ELP4: variants seen among roughly 807,000 people sequenced by gnomAD.
ELP4 encodes the protein elongator complex protein 4.
ELP4 carries 51 observed loss-of-function variants against 48.9 expected under a neutral mutation model. That is an observed-to-expected ratio of 1.04 (90% CI 0.83 to 1.32). The LOEUF (loss-of-function observed/expected upper bound fraction) is 1.32. Ranked by LOEUF, ELP4 falls within the 40% of genes most tolerant of loss-of-function variation. The pLI, the probability that ELP4 is intolerant of heterozygous loss-of-function variation, is 0.00. For synonymous variants in ELP4, 210 were observed against 189.2 expected (o/e 1.11, Z -0.90); for missense variants, 519 against 514.6 (o/e 1.01, Z -0.08).
intron 9 of ELP4, chr11:31,653,021 A>G (rs1945355524): frequency 6.6e-6 from 1 of 151,664 alleles, no homozygotes; most frequent in African/African-American, 2.4e-5. Context: ...AGCAACTTTA[A>G]CTCATAGTCT....
chr11:31,525,214 T>A (rs1956278817), intron 2 of ELP4, among the ~76,000 whole-genome samples: 1 of 152,184 alleles, frequency 6.6e-6, no homozygotes, highest in Non-Finnish European at 1.5e-5. Flanking sequence ...TGCCAATCGC[T>A]GTTTTGTGTT....
intron 9 of ELP4, chr11:31,663,554 T>C (rs973331150): frequency 6.6e-6 from 1 of 152,016 alleles, no homozygotes; most frequent in African/African-American, 2.4e-5. Context: ...TAAGGATATA[T>C]TGATTTTATT....
intron 5 of ELP4, among the ~76,000 whole-genome samples, chr11:31,625,071 T>C (rs969801051): frequency 2.6e-5 from 4 of 151,680 alleles, no homozygotes; most frequent in African/African-American, 9.7e-5. Context: ...CAATAAATAG[T>C]ATAGTAAGTA....
At chr11:31,544,663 C>T (rs934173921) in intron 3 of ELP4, among the ~76,000 whole-genome samples, 25 of 152,332 alleles carry the variant, frequency 1.6e-4, no homozygotes, top group East Asian at 3.9e-4. Flanking sequence ...TCTCCCAGCG[C>T]GCAGCTGGAG....
At chr11:31,529,095 G>A (rs532445735) in intron 2 of ELP4, among the ~76,000 whole-genome samples, 3 of 150,222 alleles carry the variant, frequency 2.0e-5, no homozygotes, top group Non-Finnish European at 3.0e-5. Flanking sequence ...TCCAGCCTGC[G>A]TGAGAGTGAG....
At chr11:31,668,622 A>T (rs1486135934) in intron 9 of ELP4, among the ~76,000 whole-genome samples, 6 of 144,674 alleles carry the variant, frequency 4.1e-5, no homozygotes, top group Non-Finnish European at 6.0e-5. Context: ...CACCGCACCT[A>T]GCTGTGATTC....
intron 9 of ELP4, among the ~76,000 whole-genome samples, chr11:31,718,584 C>T (rs996231415): frequency 6.6e-6 from 1 of 152,174 alleles, no homozygotes; most frequent in Non-Finnish European, 1.5e-5. Context: ...CTAGGAGTGT[C>T]TTCACTGACC....
intron 9 of ELP4, among the ~76,000 whole-genome samples, chr11:31,766,570 G>A (rs564270740): frequency 2.0e-5 from 3 of 151,926 alleles, no homozygotes; most frequent in African/African-American, 4.8e-5. Flanking sequence ...TGATCATTTT[G>A]TGTGAAATAT....
At chr11:31,661,900 A>G (rs949445059) in intron 9 of ELP4, among the ~76,000 whole-genome samples, 2 of 152,056 alleles carry the variant, frequency 1.3e-5, no homozygotes, top group African/African-American at 4.8e-5. Context: ...GATATTCTAC[A>G]ATTTTATTTA....
chr11:31,560,236 GACT>G (rs1420208364), intron 3 of ELP4, among the ~76,000 whole-genome samples: 3 of 152,000 alleles, frequency 2.0e-5, no homozygotes, highest in African/African-American at 7.2e-5. Context: ...TGAAGCTTTA[GACT>G]ACTTCTTTTC....
rs748818160 is a variant in ELP4 at position 31,509,991 on chromosome 11, C to A, written c.207C>A (p.Ala69=). Reference sequence around the variant, plus strand: ...TGCTGGTATCAACCGGGCTCCCAGCCCTAGACCAGCTCTTAGGTCGGTTCA... The same window carrying A: ...TGCTGGTATCAACCGGGCTCCCAGCACTAGACCAGCTCTTAGGTCGGTTCA... ...GQLLVSTGLP[A]LDQLLGGGLA... The change falls in exon 1 of 10, where the codon GCC becomes GCA. Residue 69 remains alanine, a synonymous_variant. Coordinates refer to ENST00000640961, the MANE Select transcript of ELP4 (RefSeq NM_019040.5). The A allele has an allele frequency of 4.3e-6, 7 of 1,611,726 alleles. No individual in the cohort carries two copies. The highest frequency in any genetic ancestry group is 5.9e-6 in the Non-Finnish European group (7 of 1,179,876).
chr11:31,596,470 C>T (rs1372613358), intron 4 of ELP4, among the ~76,000 whole-genome samples: 4 of 152,146 alleles, frequency 2.6e-5, no homozygotes, highest in African/African-American at 9.6e-5. Context: ...CTCTCTCCTC[C>T]ACCACACAGA....
chr11:31,580,065 A>C (rs1185230535), intron 3 of ELP4, among the ~76,000 whole-genome samples: 1 of 152,170 alleles, frequency 6.6e-6, no homozygotes, highest in Non-Finnish European at 1.5e-5. Context: ...TAATGGATGG[A>C]GGTAAGCAGG....
At chr11:31,782,784 G>A (rs993399037) in intron 9 of ELP4, among the ~76,000 whole-genome samples, 16 of 152,254 alleles carry the variant, frequency 1.1e-4, no homozygotes, top group African/African-American at 3.9e-4. Context: ...AATAGATGCT[G>A]TGGCTGACTT....
intron 3 of ELP4, among the ~76,000 whole-genome samples, chr11:31,565,941 T>C (rs1334538248): frequency 1.3e-5 from 2 of 152,214 alleles, no homozygotes; most frequent in East Asian, 1.9e-4. Flanking sequence ...GGGATGGCAT[T>C]GGATCTATAA....
chr11:31,628,007 A>G (rs1944783007), intron 6 of ELP4, among the ~76,000 whole-genome samples: 1 of 152,100 alleles, frequency 6.6e-6, no homozygotes, highest in Non-Finnish European at 1.5e-5. Flanking sequence ...CAGGTTTTCC[A>G]TGGCAAAATA....
chr11:31,591,021 A>G (rs566896990), intron 3 of ELP4, among the ~76,000 whole-genome samples: 44 of 152,272 alleles, frequency 2.9e-4, no homozygotes, highest in African/African-American at 9.9e-4. Flanking sequence ...CCAAGGAGAA[A>G]ATATTTGCAA....
At chr11:31,704,808 C>G (rs538329247) in intron 9 of ELP4, among the ~76,000 whole-genome samples, 1 of 151,678 alleles carries the variant, frequency 6.6e-6, no homozygotes, top group African/African-American at 2.4e-5. Context: ...GTGAAGAATT[C>G]GAGACCAGCC....
intron 5 of ELP4, among the ~76,000 whole-genome samples, chr11:31,621,714 T>G (rs951985509): frequency 6.6e-6 from 1 of 151,900 alleles, no homozygotes; most frequent in African/African-American, 2.4e-5. Context: ...GGTGGAGGCC[T>G]CCATCAGTGC....
Sources: allele counts gnomAD v4.1 joint callset (sites outside exome capture counted in the v4.1 genomes callset), GRCh38; gene constraint gnomAD v4.1.1; transcripts MANE v1.5; gene names NCBI Gene and HGNC (gene_info 2026-07-23, HGNC 2026-07-21).